TMEM232: variants seen among roughly 807,000 people sequenced by gnomAD.
The protein encoded by TMEM232 is transmembrane protein 232.
Under a neutral mutation model 78.8 loss-of-function variants are expected in TMEM232, and 80 were observed. The ratio of observed to expected loss-of-function variants is 1.01; its 90% CI spans 0.85 to 1.22. The LOEUF (loss-of-function observed/expected upper bound fraction) is 1.22, where lower values mean the gene tolerates loss of function less well. TMEM232 is among the 50% of genes most tolerant of loss of function. The pLI is 0.00. For synonymous variants in TMEM232, 297 were observed against 254.3 expected (o/e 1.17, Z -1.60); for missense variants, 881 against 742.2 (o/e 1.19, Z -2.17).
chr5:110,603,487 A>G (rs560551314), intron 10 of TMEM232, among the ~76,000 whole-genome samples: 26 of 152,124 alleles, frequency 1.7e-4, no homozygotes, highest in Non-Finnish European at 3.5e-4. Flanking sequence ...TGGACCTACC[A>G]CTAGAAGTGA....
chr5:110,558,046 A>G (rs1775308454), intron 11 of TMEM232, among the ~76,000 whole-genome samples: 1 of 152,150 alleles, frequency 6.6e-6, no homozygotes, highest in Admixed American at 6.5e-5. Flanking sequence ...TTTCTGAATT[A>G]TTTCAGGTAG....
At chr5:110,692,025 A>G (rs941602428) in intron 1 of TMEM232, among the ~76,000 whole-genome samples, 1 of 152,096 alleles carries the variant, frequency 6.6e-6, no homozygotes, top group African/African-American at 2.4e-5. Flanking sequence ...GGTTCAAGCC[A>G]TTCTCTTGCC....
chr5:110,508,612 G>T (rs1469212845), intron 12 of TMEM232, among the ~76,000 whole-genome samples: 3 of 150,404 alleles, frequency 2.0e-5, no homozygotes, highest in African/African-American at 7.3e-5. Flanking sequence ...CTGCTTAGAG[G>T]ATCTTTTGAG....
intron 12 of TMEM232, among the ~76,000 whole-genome samples, chr5:110,483,111 T>C (rs1215461997): frequency 6.6e-6 from 1 of 152,192 alleles, no homozygotes; most frequent in African/African-American, 2.4e-5. Context: ...TATAAATCTA[T>C]GTTGTTGGGC....
chr5:110,453,291 T>C (rs1410813227), intron 12 of TMEM232, among the ~76,000 whole-genome samples: 1 of 152,042 alleles, frequency 6.6e-6, no homozygotes, highest in East Asian at 1.9e-4. Context: ...ACCGCATACT[T>C]TTTTAAATTT....
chr5:110,552,732 CTT>C (rs547804578), intron 11 of TMEM232, among the ~76,000 whole-genome samples: 134 of 152,178 alleles, frequency 8.8e-4, no homozygotes, highest in African/African-American at 3.2e-3. Context: ...TCTTCATACA[CTT>C]AATGTATATC....
chr5:110,541,197 C>G (rs1773063294), intron 11 of TMEM232, among the ~76,000 whole-genome samples: 2 of 152,174 alleles, frequency 1.3e-5, no homozygotes, highest in African/African-American at 4.8e-5. Flanking sequence ...AGGCTCTTCA[C>G]TGGGCCTAAC....
In TMEM232 at chr5:110,692,166, C is replaced by T. The variant is rs112273886; in HGVS notation, c.-12-24802G>A. On this transcript the variant is annotated intron_variant, in intron 1 of 13. Coordinates refer to ENST00000455884, the MANE Select transcript of TMEM232 (RefSeq NM_001039763.4). Reference sequence around the variant, plus strand: ...TTGTACTCCGGACTCATGATCTGCCCGCCTCGGCCTCCAAAAGTGCTGGCA... The same window carrying T: ...TTGTACTCCGGACTCATGATCTGCCTGCCTCGGCCTCCAAAAGTGCTGGCA... Among the ~76,000 whole-genome samples the T allele has an allele frequency of 5.8e-3, 877 of 152,234 alleles. 5 individuals are homozygous for T. The highest frequency in any genetic ancestry group is 0.02 in the African/African-American group (818 of 41,542).
rs1295902156 is a variant in TMEM232, at chr5:110,470,977, T to C, written c.1704-46061A>G. Among the ~76,000 whole-genome samples, 3 of 152,132 alleles carry C rather than the reference T, an allele frequency of 2.0e-5. No homozygotes were observed. The East Asian group carries it at 5.8e-4, about 30-fold the overall frequency. On this transcript the variant is annotated intron_variant, in intron 12 of 13. Transcript: ENST00000455884. ...TCAGTGAGATACAAGATAATACAGA[T>C]AGACAATTTGGTTAAACCAGGAAAA... is the stretch of plus-strand genomic sequence containing the variant.
intron 10 of TMEM232, among the ~76,000 whole-genome samples, chr5:110,574,845 T>C (rs940558386): frequency 6.6e-6 from 1 of 152,090 alleles, no homozygotes; most frequent in Non-Finnish European, 1.5e-5. Context: ...TCCTTTCACA[T>C]ATAAACCATA....
At chr5:110,604,739 C>T (rs531686922) in intron 10 of TMEM232, among the ~76,000 whole-genome samples, 1 of 152,122 alleles carries the variant, frequency 6.6e-6, no homozygotes, top group Non-Finnish European at 1.5e-5. Flanking sequence ...TGGTGGATCA[C>T]TTGAGGTCAG....
Position 110,605,226 on chromosome 5 carries a change from G to C in TMEM232, c.1159C>G (p.His387Asp). 6.4e-7 allele frequency: 1 copy of C among 1,551,112 alleles called. No homozygotes were observed. Residue 387 changes from histidine (H) to aspartate (D), a missense_variant, in exon 10 of 14, where the codon CAC becomes GAC. Coordinates refer to ENST00000455884, the MANE Select transcript of TMEM232 (RefSeq NM_001039763.4). ...LRKTALIGFC[H>D]CKSSQKNILY... ...ATATTTTTTTGTGAACTTTTACAGT[G>C]ACAGAAACCAATTAAAGCAGTTTTT...
At chr5:110,735,001 A>G (rs991789762) in exon 2 of TMEM232, 2 of 152,240 alleles carry the variant, frequency 1.3e-5, no homozygotes, top group African/African-American at 4.8e-5. Context: ...TTGGCAACAC[A>G]GTGATGCCCT....
intron 12 of TMEM232, among the ~76,000 whole-genome samples, chr5:110,484,316 A>G (rs1172336350): frequency 6.6e-6 from 1 of 152,130 alleles, no homozygotes; most frequent in East Asian, 1.9e-4. Flanking sequence ...AAGAAAATAA[A>G]GTTTAAAAAG....
At chr5:110,598,067 C>T (rs892417581) in intron 10 of TMEM232, among the ~76,000 whole-genome samples, 6 of 151,792 alleles carry the variant, frequency 4.0e-5, no homozygotes, top group African/African-American at 1.2e-4. Flanking sequence ...ACCATCAGAG[C>T]ATACAGGCAA....
rs1263271021 is a variant in TMEM232, at chr5:110,424,945, C to T, written c.1704-29G>A. ...CAAAAGAGCACAAGAACAAATCCAA[C>T]ATTAGGTATAGGTACTCCTATTCCC... On this transcript the variant is annotated intron_variant, in intron 12 of 13. Coordinates refer to ENST00000455884, the MANE Select transcript of TMEM232 (RefSeq NM_001039763.4). The T allele has an allele frequency of 4.7e-6, 7 of 1,476,808 alleles. No homozygotes were observed. In the East Asian group the frequency reaches 1.5e-4, roughly 31 times the overall value. The allele number at this position is 1,476,808 out of a possible 1,614,324, so 91.5% of individuals were successfully genotyped here.
chr5:110,619,058 A>C (rs1207630355), intron 7 of TMEM232, among the ~76,000 whole-genome samples: 1 of 152,204 alleles, frequency 6.6e-6, no homozygotes, highest in African/African-American at 2.4e-5. Flanking sequence ...GATAACAAAT[A>C]AGCTGTTGTT....
At chr5:110,463,651 C>A (rs1040481246) in intron 12 of TMEM232, among the ~76,000 whole-genome samples, 3 of 152,262 alleles carry the variant, frequency 2.0e-5, no homozygotes, top group Admixed American at 6.5e-5. Context: ...TGGTACAATT[C>A]TCTCTATTGC....
intron 10 of TMEM232, among the ~76,000 whole-genome samples, chr5:110,598,743 C>T (rs1230022396): frequency 6.6e-6 from 1 of 151,006 alleles, no homozygotes; most frequent in Non-Finnish European, 1.5e-5. Context: ...TTATCATTCT[C>T]AGTAAACTAT....
Sources: gnomAD v4.1 joint callset for allele counts (sites outside exome capture counted in the v4.1 genomes callset) on GRCh38, gnomAD v4.1.1 for gene constraint, MANE v1.5 for transcripts, NCBI Gene and HGNC (gene_info 2026-07-23, HGNC 2026-07-21) for gene names.